The following TMEM236 variants were observed in gnomAD, a reference collection of about 807,000 sequenced individuals.
TMEM236 encodes family with sequence similarity 23, member A.
In TMEM236, 11 loss-of-function variants were observed where a neutral mutation model predicts 14.7. That is an observed-to-expected ratio of 0.75 (90% CI 0.47 to 1.24). The LOEUF (loss-of-function observed/expected upper bound fraction) is 1.24. Among genes scored for constraint, TMEM236 ranks in the 50% most tolerant of loss-of-function variants. TMEM236 has a pLI of 0.00. For synonymous variants in TMEM236, 182 were observed against 168.6 expected (o/e 1.08, Z -0.62); for missense variants, 464 against 427.3 (o/e 1.09, Z -0.76).
chr10:17,753,163 G>T (rs929818402), intron 1 of TMEM236, among the ~76,000 whole-genome samples: 1 of 152,040 alleles, frequency 6.6e-6, no homozygotes, highest in Non-Finnish European at 1.5e-5. Context: ...CAAAGTGCTA[G>T]GATTACAGGA....
chr10:17,792,276 A>G (rs1306120682), intron 3 of TMEM236, among the ~76,000 whole-genome samples: 2 of 152,118 alleles, frequency 1.3e-5, no homozygotes, highest in African/African-American at 4.8e-5. Context: ...TTTAGTAGGG[A>G]TGGGTTTCAC....
In TMEM236 at chr10:17,771,343, A is replaced by G. The variant is rs782797295; in HGVS notation, c.292A>G (p.Thr98Ala). 2 of 1,613,834 alleles carry G rather than the reference A, an allele frequency of 1.2e-6. No individual in the cohort carries two copies. Among genetic ancestry groups the G allele is most frequent in the Non-Finnish European group, 1.7e-6 (2 of 1,179,866 alleles). ...PVLMMCVVLT[T>A]LPCLTFSIAV... ...TCTGATGATGTGTGTGGTCCTCACC[A>G]CACTGCCCTGCCTCACCTTTTCCAT... The change falls in exon 2 of 4, where the codon ACA becomes GCA. Residue 98 changes from threonine (T) to alanine (A), a missense_variant. Coordinates refer to ENST00000377495, the MANE Select transcript of TMEM236 (RefSeq NM_001098844.3).
intron 2 of TMEM236, among the ~76,000 whole-genome samples, chr10:17,774,376 C>T (rs960494053): frequency 2.3e-4 from 35 of 152,210 alleles, no homozygotes; most frequent in African/African-American, 8.2e-4. Flanking sequence ...TATATTGTTT[C>T]TTCATTCTTT....
rs2477655 is a variant in TMEM236, at chr10:17,799,034, G to C, written c.*2530G>C. On this transcript the variant is annotated 3_prime_UTR_variant, in exon 4 of 4. Coordinates refer to ENST00000377495, the MANE Select transcript of TMEM236 (RefSeq NM_001098844.3). ...CTTCAGACTATACTTTTTCATCGAG[G>C]AGTATTGTATTCAAAAGTGATCGAT... 193,496 of 257,406 alleles carry C rather than the reference G, an allele frequency of 0.75. 73,647 individuals carry two copies. The highest frequency in any genetic ancestry group is 0.9 in the African/African-American group (39,828 of 44,074). 15.9% of individuals were successfully genotyped at this position (257,406 alleles called of 1,614,324 possible).
chr10:17,785,745 G>C lies in TMEM236; in HGVS notation c.472+9575G>C, dbSNP rs1036597606. ...GGAACACTGTGTCCGGGGACCAACC[G>C]GGGGGGGATATTTCCTTTCCTACCC... On this transcript the variant is annotated intron_variant, in intron 3 of 3. Transcript: ENST00000377495. 3.7e-4 allele frequency among the ~76,000 whole-genome samples: 56 copies of C among 151,678 alleles called. 1 individual carries two copies. In the East Asian group the frequency reaches 6.8e-3, roughly 18 times the overall value.
At chr10:17,758,717 G>A (rs1554833770) in intron 1 of TMEM236, among the ~76,000 whole-genome samples, 1 of 152,192 alleles carries the variant, frequency 6.6e-6, no homozygotes, top group Non-Finnish European at 1.5e-5. Context: ...ACTCTGAAAA[G>A]TGGTAGAAGT....
intron 3 of TMEM236, among the ~76,000 whole-genome samples, chr10:17,779,125 C>A (rs1022434739): frequency 3.7e-4 from 56 of 152,034 alleles, no homozygotes; most frequent in African/African-American, 1.2e-3. Context: ...TACAAATGAG[C>A]GCACCTTAAT....
chr10:17,796,298 C>A lies in TMEM236; in HGVS notation c.850C>A (p.Pro284Thr), dbSNP rs1301036073. 1.9e-6 allele frequency: 3 copies of A among 1,613,820 alleles called. No individual in the cohort carries two copies. The highest frequency in any genetic ancestry group is 2.5e-6 in the Non-Finnish European group (3 of 1,179,870). The change falls in exon 4 of 4, where the codon CCC (proline) becomes ACC (threonine). Residue 284 changes from proline to threonine, a missense_variant. Coordinates refer to ENST00000377495, the MANE Select transcript of TMEM236 (RefSeq NM_001098844.3). ...FISLLRITFT[P>T]QNPLLNSLSV... ...TTCTCTCCTTCGAATTACATTCACT[C>A]CCCAAAACCCTCTTCTCAATTCCCT...
At chr10:17,777,389 G>T (rs1041695413) in intron 3 of TMEM236, among the ~76,000 whole-genome samples, 2 of 152,180 alleles carry the variant, frequency 1.3e-5, no homozygotes, top group Non-Finnish European at 2.9e-5. Flanking sequence ...TTAAACTCAG[G>T]AGAGTTGGGA....
At chr10:17,756,706 A>C (rs1837289702) in intron 1 of TMEM236, among the ~76,000 whole-genome samples, 1 of 152,232 alleles carries the variant, frequency 6.6e-6, no homozygotes, top group Non-Finnish European at 1.5e-5. Context: ...TGGAAGAGGC[A>C]GACTTTGGAC....
At chr10:17,777,829 C>T (rs1837683724) in intron 3 of TMEM236, among the ~76,000 whole-genome samples, 1 of 152,156 alleles carries the variant, frequency 6.6e-6, no homozygotes, top group Non-Finnish European at 1.5e-5. Flanking sequence ...ACCTCTGCCT[C>T]CTGGGTTTAA....
chr10:17,783,542 T>C (rs2131759651), intron 3 of TMEM236, among the ~76,000 whole-genome samples: 1 of 152,292 alleles, frequency 6.6e-6, no homozygotes, highest in Non-Finnish European at 1.5e-5. Context: ...TCTTTTAATA[T>C]CAGAAACTTG....
chr10:17,792,841 GA>G (rs1837948753), intron 3 of TMEM236, among the ~76,000 whole-genome samples: 1 of 152,172 alleles, frequency 6.6e-6, no homozygotes. Flanking sequence ...ACAACAATGG[GA>G]AAAAGAATTC....
chr10:17,788,566 C>A (rs1207689646), intron 3 of TMEM236, among the ~76,000 whole-genome samples: 37 of 125,558 alleles, frequency 2.9e-4, no homozygotes, highest in African/African-American at 1.1e-3. Flanking sequence ...GCCTGAGTAA[C>A]ATAGCAAGAC....
At chr10:17,778,940 A>G (rs1287211811) in intron 3 of TMEM236, among the ~76,000 whole-genome samples, 14 of 152,226 alleles carry the variant, frequency 9.2e-5, no homozygotes, top group African/African-American at 3.4e-4. Context: ...TCAAGTAATT[A>G]TCATGCAACA....
intron 3 of TMEM236, among the ~76,000 whole-genome samples, chr10:17,782,693 C>G (rs1427805070): frequency 6.6e-6 from 1 of 152,094 alleles, no homozygotes; most frequent in Non-Finnish European, 1.5e-5. Context: ...CTCAAATGAT[C>G]CACCCGCCTC....
chr10:17,785,043 G>C (rs1306288220), intron 3 of TMEM236, among the ~76,000 whole-genome samples: 1 of 152,226 alleles, frequency 6.6e-6, no homozygotes, highest in Non-Finnish European at 1.5e-5. Flanking sequence ...CCAGATTTGG[G>C]AGTTCGCAGA....
chr10:17,776,240 A>T lies in TMEM236; in HGVS notation c.472+70A>T, dbSNP rs957506228. 25 of 1,405,892 alleles carry T rather than the reference A, an allele frequency of 1.8e-5. No homozygotes were observed. The African/African-American group carries it at 2.8e-4, about 16-fold the overall frequency. 87.1% of individuals were successfully genotyped at this position (1,405,892 alleles called of 1,614,324 possible). A position where few individuals can be genotyped will look rare whatever the true frequency, so the allele number is the denominator to read the frequency against. On this transcript the variant is annotated intron_variant, in intron 3 of 3. Transcript: ENST00000377495. ...TTTTTCACATTTCTGCCACTGTGTT[A>T]TCTGACAACATGTTTAATGATACCT...
chr10:17,767,942 C>T (rs1837496197), intron 1 of TMEM236, among the ~76,000 whole-genome samples: 2 of 149,876 alleles, frequency 1.3e-5, no homozygotes, highest in African/African-American at 4.9e-5. Flanking sequence ...CAGTGTCTCG[C>T]TCTGTCACCC....
Sources: allele counts gnomAD v4.1 joint callset (sites outside exome capture counted in the v4.1 genomes callset), GRCh38; gene constraint gnomAD v4.1.1; transcripts MANE v1.5; gene names NCBI Gene and HGNC (gene_info 2026-07-23, HGNC 2026-07-21).